WWC2: variants seen among roughly 807,000 people sequenced by gnomAD.
WWC2 encodes protein WWC2.
WWC2 carries 101 observed loss-of-function variants against 138.5 expected under a neutral mutation model. The observed-to-expected ratio is 0.73, with a 90% CI of 0.62 to 0.86. The LOEUF (loss-of-function observed/expected upper bound fraction) is 0.86, where lower values mean the gene tolerates loss of function less well. WWC2 is among the 40% of genes least tolerant of loss of function. The probability of loss-of-function intolerance (pLI) is 0.00; values close to 1 mark genes in which losing one functional copy is unlikely to be tolerated. For missense variants in WWC2, 1,420 were observed against 1,419.4 expected (o/e 1.00, Z -0.01); for synonymous variants, 558 against 538.4 (o/e 1.04, Z -0.50).
chr4:183,123,997 A>G (rs1190909920), intron 1 of WWC2, among the ~76,000 whole-genome samples: 9 of 152,096 alleles, frequency 5.9e-5, no homozygotes, highest in African/African-American at 1.9e-4. Context: ...ATTCTTCTCC[A>G]TGTTTTGGAA....
intron 1 of WWC2, among the ~76,000 whole-genome samples, chr4:183,151,919 A>T (rs1733645695): frequency 6.6e-6 from 1 of 152,190 alleles, no homozygotes; most frequent in African/African-American, 2.4e-5. Flanking sequence ...TGGTACCAGT[A>T]CCATGCTGAA....
At chr4:183,123,297 A>G (rs1692371941) in intron 1 of WWC2, among the ~76,000 whole-genome samples, 1 of 152,200 alleles carries the variant, frequency 6.6e-6, no homozygotes, top group South Asian at 2.1e-4. Context: ...TGGTTTAATT[A>G]CAGAGTGCTA....
chr4:183,233,943 G>A (rs1413142504), intron 4 of WWC2: 1 of 152,190 alleles, frequency 6.6e-6, no homozygotes, highest in Non-Finnish European at 1.5e-5. Flanking sequence ...GGAGAAAATG[G>A]TGAAAAGGGA....
chr4:183,259,865 A>G lies in WWC2; in HGVS notation c.1286+137A>G, dbSNP rs1737270188. On this transcript the variant is annotated intron_variant, in intron 10 of 22. Coordinates refer to ENST00000403733, the MANE Select transcript of WWC2 (RefSeq NM_024949.6). ...TAGCACAGTTACTGTTTGAGTGATC[A>G]GATTTAAAGTCACATTTTCTTTTGC... 3 of 673,892 alleles carry G rather than the reference A, an allele frequency of 4.5e-6. No homozygotes were observed. The African/African-American group carries it at 5.6e-5, about 12-fold the overall frequency. 41.7% of individuals were successfully genotyped at this position (673,892 alleles called of 1,614,324 possible).
intron 1 of WWC2, among the ~76,000 whole-genome samples, chr4:183,113,519 CGCGCGT>C (rs1450593333): frequency 2.2e-4 from 31 of 142,606 alleles, no homozygotes; most frequent in African/African-American, 7.5e-4. Context: ...TGTGTGTGCG[CGCGCGT>C]GCGCGCGCAC....
chr4:183,283,992 G>C (rs528029999), intron 18 of WWC2, among the ~76,000 whole-genome samples: 1 of 152,274 alleles, frequency 6.6e-6, no homozygotes, highest in South Asian at 2.1e-4. Context: ...CTGCTGTGCA[G>C]AACTTCCTAA....
At chr4:183,156,064 C>T (rs1374550947) in intron 1 of WWC2, among the ~76,000 whole-genome samples, 2 of 151,884 alleles carry the variant, frequency 1.3e-5, no homozygotes, top group African/African-American at 4.8e-5. Context: ...TCTTGCTCTG[C>T]CGCCCAGATT....
Position 183,317,264 on chromosome 4 carries a change from GA to G in WWC2, c.*1538del, listed in dbSNP as rs896010087. ...CTTGAAAGCAATTATATATATTTTG[GA>G]AAGTTCATGTTATTGGAATTGAAGT... On this transcript the variant is annotated 3_prime_UTR_variant, in exon 23 of 23. Coordinates refer to ENST00000403733, the MANE Select transcript of WWC2 (RefSeq NM_024949.6). 1 of 152,070 alleles carries G rather than the reference GA, an allele frequency of 6.6e-6. No homozygotes were observed. Among genetic ancestry groups the G allele is most frequent in the Non-Finnish European group, 1.5e-5 (1 of 68,008 alleles). 9.4% of individuals were successfully genotyped at this position (152,070 alleles called of 1,614,324 possible). A position where few individuals can be genotyped will look rare whatever the true frequency, so the allele number is the denominator to read the frequency against.
chr4:183,153,199 A>T (rs1055279083), intron 1 of WWC2, among the ~76,000 whole-genome samples: 1 of 152,280 alleles, frequency 6.6e-6, no homozygotes, highest in Middle Eastern at 3.4e-3. Flanking sequence ...GCCACTGCAC[A>T]TGGTCTTATA....
At chr4:183,241,225 A>G (rs1315559610) in intron 5 of WWC2, among the ~76,000 whole-genome samples, 1 of 152,206 alleles carries the variant, frequency 6.6e-6, no homozygotes, top group Non-Finnish European at 1.5e-5. Flanking sequence ...CAGGAATGCC[A>G]AGCTGGTCTC....
intron 1 of WWC2, among the ~76,000 whole-genome samples, chr4:183,188,492 CATCCCA>C (rs913309007): frequency 6.6e-6 from 1 of 152,188 alleles, no homozygotes. Context: ...CCTGTCTCAG[CATCCCA>C]AAATGCTGGG....
At chr4:183,118,284 G>C (rs764981607) in intron 1 of WWC2, among the ~76,000 whole-genome samples, 1 of 152,156 alleles carries the variant, frequency 6.6e-6, no homozygotes, top group Non-Finnish European at 1.5e-5. Context: ...GTTTTTGTTG[G>C]ATTTACTTAT....
chr4:183,240,827 T>C (rs1199084453), intron 5 of WWC2, among the ~76,000 whole-genome samples: 1 of 152,174 alleles, frequency 6.6e-6, no homozygotes, highest in Non-Finnish European at 1.5e-5. Flanking sequence ...TCCCGTTTGC[T>C]ACTGAAGTTG....
At position 183,207,941 on chromosome 4, in the gene WWC2, T is replaced by C; in HGVS notation, c.242-12T>C. On this transcript the variant is annotated splice_polypyrimidine_tract_variant and intron_variant, in intron 2 of 22. Coordinates refer to ENST00000403733, the MANE Select transcript of WWC2 (RefSeq NM_024949.6). ...TAAATTCTAAAAAGTACCCTCCACC[T>C]AATGTTTTCAGAAACCACGCAGATA... 6.3e-7 allele frequency: 1 copy of C among 1,598,854 alleles called. No homozygotes were observed. Among genetic ancestry groups the C allele is most frequent in the Non-Finnish European group, 8.5e-7 (1 of 1,172,902 alleles).
intron 4 of WWC2, among the ~76,000 whole-genome samples, chr4:183,227,044 C>T (rs574448368): frequency 9.2e-5 from 14 of 152,126 alleles, no homozygotes; most frequent in African/African-American, 3.4e-4. Context: ...GGGACTCAGA[C>T]AGTCACTAAA....
At chr4:183,123,146 A>G (rs1732655670) in intron 1 of WWC2, among the ~76,000 whole-genome samples, 1 of 152,202 alleles carries the variant, frequency 6.6e-6, no homozygotes, top group Non-Finnish European at 1.5e-5. Flanking sequence ...CATCCTGTTC[A>G]GCTCAGGATT....
chr4:183,195,354 G>T (rs148976462), intron 2 of WWC2, among the ~76,000 whole-genome samples: 2 of 152,198 alleles, frequency 1.3e-5, no homozygotes, highest in Non-Finnish European at 2.9e-5. Context: ...AAGCTCTGTT[G>T]GTACCAAAAT....
intron 21 of WWC2, among the ~76,000 whole-genome samples, chr4:183,292,734 G>A (rs1332363132): frequency 1.3e-5 from 2 of 151,898 alleles, no homozygotes; most frequent in Admixed American, 6.6e-5. Context: ...AAACTCTTCC[G>A]GACACTAGAA....
At chr4:183,193,479 G>GTTTTTTTTTT in intron 1 of WWC2, 120 bp from the exon 2 acceptor site, 3 of 679,564 alleles carry the variant, frequency 4.4e-6, no homozygotes, top group Non-Finnish European at 7.0e-6. Context: ...TTTATCCTTG[G>GTTTTTTTTTT]TTTTTTTTTT....
Sources: gnomAD v4.1 joint callset for allele counts (sites outside exome capture counted in the v4.1 genomes callset) on GRCh38, gnomAD v4.1.1 for gene constraint, MANE v1.5 for transcripts, NCBI Gene and HGNC (gene_info 2026-07-23, HGNC 2026-07-21) for gene names.